The following NCK2 variants were observed in gnomAD, a reference collection of about 807,000 sequenced individuals.
The protein encoded by NCK2 is NCK adaptor protein 2.
A neutral mutation model predicts 33.9 loss-of-function variants in NCK2; 16 were observed. That is an observed-to-expected ratio of 0.47 (90% CI 0.32 to 0.72). The LOEUF is 0.72. NCK2 is among the 30% of genes least tolerant of loss of function. The pLI is 0.03. For missense variants in NCK2, 418 were observed against 537.3 expected (o/e 0.78, Z 2.19); for synonymous variants, 273 against 239.9 (o/e 1.14, Z -1.27).
chr2:105,843,784 A>G (rs923690724), intron 2 of NCK2, among the ~76,000 whole-genome samples: 1 of 152,196 alleles, frequency 6.6e-6, no homozygotes, highest in African/African-American at 2.4e-5. Context: ...CTCCTGTGCA[A>G]AAGGTTTCCA....
intron 1 of NCK2, among the ~76,000 whole-genome samples, chr2:105,768,692 C>T (rs1177871754): frequency 2.6e-5 from 4 of 152,170 alleles, no homozygotes; most frequent in East Asian, 3.8e-4. Flanking sequence ...TTCTTTTTCT[C>T]ATCAGCTGCA....
At chr2:105,784,683 A>G (rs1279665337) in intron 1 of NCK2, among the ~76,000 whole-genome samples, 1 of 152,242 alleles carries the variant, frequency 6.6e-6, no homozygotes, top group African/African-American at 2.4e-5. Flanking sequence ...ATTCTCATTT[A>G]GTCTAGTGAA....
At chr2:105,847,555 G>C (rs1558867607) in intron 2 of NCK2, among the ~76,000 whole-genome samples, 1 of 152,026 alleles carries the variant, frequency 6.6e-6, no homozygotes, top group Non-Finnish European at 1.5e-5. Flanking sequence ...TAAAGACCTG[G>C]AACAAGAGCC....
At chr2:105,812,666 A>G (rs1675333135) in intron 1 of NCK2, among the ~76,000 whole-genome samples, 2 of 152,210 alleles carry the variant, frequency 1.3e-5, no homozygotes, top group African/African-American at 4.8e-5. Flanking sequence ...TTTAAATAAA[A>G]GGAAAAGGAC....
rs115658569 is a variant in NCK2 at position 105,867,900 on chromosome 2, G to A, written c.226+12611G>A. Among the ~76,000 whole-genome samples, 1,293 of 152,354 alleles carry A rather than the reference G, an allele frequency of 8.5e-3. 11 individuals carry two copies. Among genetic ancestry groups the A allele is most frequent in the Non-Finnish European group, 0.013 (892 of 68,038 alleles). ...GTGAACCAAATATGCCAGGGAATTA[G>A]AGAACCATCTTCCTAGCATGTTTCT... On this transcript the variant is annotated intron_variant, in intron 3 of 4. Transcript: ENST00000233154.
intron 1 of NCK2, among the ~76,000 whole-genome samples, chr2:105,774,715 G>A (rs4851863): frequency 0.31 from 47,289 of 152,014 alleles, 8,796 homozygotes; most frequent in East Asian, 0.45. Context: ...CCTGGATGAC[G>A]AAATCTGTGT....
chr2:105,744,530 G>T (rs547540341), upstream of NCK2, among the ~76,000 whole-genome samples: 1 of 152,108 alleles, frequency 6.6e-6, no homozygotes, highest in Non-Finnish European at 1.5e-5. Flanking sequence ...GGAAGTTGCC[G>T]TCTGTGTTTT....
intron 2 of NCK2, among the ~76,000 whole-genome samples, chr2:105,824,423 A>G (rs1273726246): frequency 1.3e-5 from 2 of 152,188 alleles, no homozygotes; most frequent in African/African-American, 2.4e-5. Flanking sequence ...TGTGTTCACA[A>G]AGACCAACGT....
chr2:105,797,628 T>C (rs1247390866), intron 1 of NCK2, among the ~76,000 whole-genome samples: 1 of 152,050 alleles, frequency 6.6e-6, no homozygotes, highest in African/African-American at 2.4e-5. Flanking sequence ...CTTTTGGAGA[T>C]GAGTATGGTA....
At chr2:105,819,917 T>TA (rs35132021) in intron 2 of NCK2, among the ~76,000 whole-genome samples, 36 of 150,382 alleles carry the variant, frequency 2.4e-4, no homozygotes, top group African/African-American at 4.6e-4. Context: ...TTGTAGCAGT[T>TA]AAAAAAAAAA....
At chr2:105,885,482 ACT>A (rs1329030717) in intron 4 of NCK2, among the ~76,000 whole-genome samples, 1 of 152,108 alleles carries the variant, frequency 6.6e-6, no homozygotes. Context: ...TTTACCCAAA[ACT>A]CTATTTTCAG....
chr2:105,860,731 A>G (rs1258281534), intron 3 of NCK2, among the ~76,000 whole-genome samples: 1 of 151,964 alleles, frequency 6.6e-6, no homozygotes, highest in East Asian at 1.9e-4. Context: ...ACACTGGTCC[A>G]TAGAGAGCCG....
Position 105,882,049 on chromosome 2 carries a change from G to T in NCK2, c.948G>T (p.Ser316=). 1 of 1,497,558 alleles carries T rather than the reference G, an allele frequency of 6.7e-7. No homozygotes were observed. Among genetic ancestry groups the T allele is most frequent in the East Asian group, 2.3e-5 (1 of 43,132 alleles). The allele number at this position is 1,497,558 out of a possible 1,614,324, so 92.8% of individuals were successfully genotyped here. ...TCCTCATTAGGGACAGCGAGTCCTC[G>T]GTAAGTGCGCTGCGCCCACAGCTCC... The part of the protein sequence containing the change: ...GDFLIRDSES[S]PSDFSVSLKA... Residue 316 remains serine, a splice_region_variant and synonymous_variant, in exon 4 of 5, where the codon TCG becomes TCT. Transcript: ENST00000233154.
At chr2:105,782,006 A>G (rs1179506985) in intron 1 of NCK2, among the ~76,000 whole-genome samples, 1 of 152,094 alleles carries the variant, frequency 6.6e-6, no homozygotes, top group East Asian at 1.9e-4. Flanking sequence ...TTACCTGAAA[A>G]CCTGCGGCCC....
chr2:105,804,469 G>A (rs1674955519), intron 1 of NCK2, among the ~76,000 whole-genome samples: 1 of 152,196 alleles, frequency 6.6e-6, no homozygotes, highest in South Asian at 2.1e-4. Context: ...AGCTAATCTG[G>A]CATTTATGAT....
chr2:105,752,050 G>A (rs144268010), intron 1 of NCK2, among the ~76,000 whole-genome samples: 217 of 152,204 alleles, frequency 1.4e-3, no homozygotes, highest in Middle Eastern at 0.01. Flanking sequence ...TTTTATTTGC[G>A]TGAGGGCTTT....
intron 2 of NCK2, among the ~76,000 whole-genome samples, chr2:105,836,283 T>C (rs568888301): frequency 6.6e-6 from 1 of 152,114 alleles, no homozygotes; most frequent in Admixed American, 6.5e-5. Flanking sequence ...ACAGAGTTTT[T>C]TGTAGATGTA....
chr2:105,747,448 A>C (rs988852186), intron 1 of NCK2, among the ~76,000 whole-genome samples: 1 of 152,160 alleles, frequency 6.6e-6, no homozygotes, highest in African/African-American at 2.4e-5. Flanking sequence ...CCAGGCTGCG[A>C]GGCTCTATGG....
At chr2:105,780,923 C>T (rs1396814879) in intron 1 of NCK2, among the ~76,000 whole-genome samples, 1 of 152,172 alleles carries the variant, frequency 6.6e-6, no homozygotes. Flanking sequence ...TATAAGCCAC[C>T]ATTCTGTGGT....
Sources: gnomAD v4.1 joint callset for allele counts (sites outside exome capture counted in the v4.1 genomes callset) on GRCh38, gnomAD v4.1.1 for gene constraint, MANE v1.5 for transcripts, NCBI Gene and HGNC (gene_info 2026-07-23, HGNC 2026-07-21) for gene names.